The following NFATC2 variants were observed in gnomAD, a reference collection of about 807,000 sequenced individuals.
The protein encoded by NFATC2 is nuclear factor of activated T-cells, cytoplasmic 2.
Under a neutral mutation model 87.3 loss-of-function variants are expected in NFATC2, and 22 were observed. That is an observed-to-expected ratio of 0.25 (90% confidence interval 0.18 to 0.36). The LOEUF is 0.36. NFATC2 is among the 10% of genes least tolerant of loss of function. The pLI, the probability that NFATC2 is intolerant of heterozygous loss-of-function variation, is 1.00. For missense variants in NFATC2, 1,149 were observed against 1,259.1 expected, an observed-to-expected ratio of 0.91 and a Z score of 1.32; for synonymous variants, 565 against 542.2, an observed-to-expected ratio of 1.04 and a Z score of -0.58.
chr20:51,461,325 C>A (rs1448565688), intron 5 of NFATC2, among the ~76,000 whole-genome samples: 1 of 152,216 alleles, frequency 6.6e-6, no homozygotes, highest in African/African-American at 2.4e-5. Flanking sequence ...CCAAACCGCA[C>A]AGCCTGCAGT....
In NFATC2 at chr20:51,387,829, T is replaced by A. The variant is rs1441385809; in HGVS notation, c.*3667A>T. 1 of 151,492 alleles carries A rather than the reference T, an allele frequency of 6.6e-6. No individual in the cohort carries two copies. The highest frequency in any genetic ancestry group is 1.5e-5 in the Non-Finnish European group (1 of 67,982). 9.4% of individuals were successfully genotyped at this position (151,492 alleles called of 1,614,324 possible). ...CTTGAAATGAAAACATTCTTTCAATTCTGAGCAATAGAAAGCACTTGGAAA... is the reference window on the plus strand; with the variant it reads ...CTTGAAATGAAAACATTCTTTCAATACTGAGCAATAGAAAGCACTTGGAAA... On this transcript the variant is annotated 3_prime_UTR_variant, in exon 11 of 11. Transcript: ENST00000371564.
intron 1 of NFATC2, among the ~76,000 whole-genome samples, chr20:51,533,757 C>T (rs1212688947): frequency 1.3e-5 from 2 of 152,364 alleles, no homozygotes; most frequent in East Asian, 1.9e-4. Context: ...AGCAATGAGG[C>T]TTGCAGACTG....
chr20:51,467,545 G>C (rs1021560688), intron 5 of NFATC2, among the ~76,000 whole-genome samples: 1 of 133,578 alleles, frequency 7.5e-6, no homozygotes. Context: ...GGAAAAGAGT[G>C]AGACTCCATC....
At chr20:51,410,209 CAAAAAA>C (rs386393961) in intron 9 of NFATC2, among the ~76,000 whole-genome samples, 1 of 103,148 alleles carries the variant, frequency 9.7e-6, no homozygotes, top group South Asian at 3.6e-4. Context: ...GACTCTGTCT[CAAAAAA>C]AAAAAAAAAA....
chr20:51,462,791 G>T (rs949819218), intron 5 of NFATC2, among the ~76,000 whole-genome samples: 14 of 152,148 alleles, frequency 9.2e-5, no homozygotes, highest in African/African-American at 3.4e-4. Context: ...CACAAAGCAG[G>T]AATCACTCCC....
At chr20:51,531,380 AT>A (rs2076631054) in intron 1 of NFATC2, among the ~76,000 whole-genome samples, 2 of 152,356 alleles carry the variant, frequency 1.3e-5, no homozygotes, top group African/African-American at 4.8e-5. Flanking sequence ...GAAAGTTCTC[AT>A]TCTTATCACC....
rs188051333 is a variant in NFATC2, at chr20:51,548,959, A to G, written c.70+13601T>C. The stretch of plus-strand genomic sequence containing the variant: ...TTGTAGAGAAATAACATGTCATCTG[A>G]CTCAATGGCTTCAGGGAAATTCTAC... On this transcript the variant is annotated intron_variant, in intron 1 of 10. Coordinates refer to the NFATC2 transcript ENST00000414705. 2.6e-3 allele frequency among the ~76,000 whole-genome samples: 402 copies of G among 152,292 alleles called. 3 individuals carry two copies. The highest frequency in any genetic ancestry group is 9.3e-3 in the African/African-American group (386 of 41,564).
intron 4 of NFATC2, among the ~76,000 whole-genome samples, chr20:51,475,153 G>C (rs1392911686): frequency 1.3e-5 from 2 of 152,112 alleles, no homozygotes; most frequent in Middle Eastern, 3.4e-3. Context: ...ATGTTTAATA[G>C]AGATGGGGTT....
chr20:51,481,070 G>C (rs566910306), intron 3 of NFATC2, among the ~76,000 whole-genome samples: 1 of 152,044 alleles, frequency 6.6e-6, no homozygotes, highest in Non-Finnish European at 1.5e-5. Flanking sequence ...AATACTTCCC[G>C]TCCACCCTCC....
intron 1 of NFATC2, among the ~76,000 whole-genome samples, chr20:51,561,484 A>AAAGCAAGCAAGCAAGCAAGCAAGC (rs377087625): frequency 5.6e-5 from 5 of 89,980 alleles, no homozygotes; most frequent in South Asian, 4.1e-4. Context: ...AGAAAGAAAG[A>AAAGCAAGCAAGCAAGCAAGCAAGC]AAGCAAGCAA....
Position 51,398,676 on chromosome 20 carries a change from G to C in NFATC2, c.*11C>G, listed in dbSNP as rs56224340. The C allele has an allele frequency of 0.013, 20,895 of 1,611,862 alleles. 207 individuals carry two copies. Among genetic ancestry groups the C allele is most frequent in the Non-Finnish European group, 0.015 (17,191 of 1,178,540 alleles). ...TTGATTTCTCGGATCAAAGATCACA[G>C]TCATTCTGTTTCATAATATGTTTTG... On this transcript the variant is annotated 3_prime_UTR_variant, in exon 10 of 11. Coordinates refer to ENST00000371564, the MANE Select transcript of NFATC2 (RefSeq NM_012340.5).
At chr20:51,491,297 GAA>G (rs2075879227) in intron 3 of NFATC2, among the ~76,000 whole-genome samples, 1 of 151,450 alleles carries the variant, frequency 6.6e-6, no homozygotes, top group Admixed American at 6.6e-5. Context: ...AAAAAAAAAA[GAA>G]GAGGGAAATC....
At chr20:51,504,338 G>T (rs1185506810) in intron 3 of NFATC2, among the ~76,000 whole-genome samples, 1 of 152,162 alleles carries the variant, frequency 6.6e-6, no homozygotes, top group African/African-American at 2.4e-5. Flanking sequence ...GTTTCATCAT[G>T]TTGGCCAGGC....
chr20:51,491,662 T>C (rs1342256466), intron 3 of NFATC2, among the ~76,000 whole-genome samples: 3 of 151,908 alleles, frequency 2.0e-5, no homozygotes, highest in African/African-American at 7.3e-5. Context: ...CAGAACAACA[T>C]GTAACAGAGT....
chr20:51,460,418 C>T (rs1266874513), intron 5 of NFATC2, among the ~76,000 whole-genome samples: 1 of 152,182 alleles, frequency 6.6e-6, no homozygotes, highest in South Asian at 2.1e-4. Context: ...GAGGATTAAA[C>T]AAGTTCATCA....
At chr20:51,396,080 AT>A (rs1987080585) in intron 10 of NFATC2, among the ~76,000 whole-genome samples, 5 of 88,428 alleles carry the variant, frequency 5.7e-5, no homozygotes, top group African/African-American at 1.4e-4. Context: ...ATATATATAT[AT>A]ATATATATAT....
chr20:51,559,537 A>G (rs2077004537), intron 1 of NFATC2, among the ~76,000 whole-genome samples: 1 of 152,254 alleles, frequency 6.6e-6, no homozygotes, highest in East Asian at 1.9e-4. Context: ...CTTCCTGGAT[A>G]ACACTTGGCC....
chr20:51,418,948 G>GCCA (rs1980458274), intron 9 of NFATC2, among the ~76,000 whole-genome samples: 1 of 142,410 alleles, frequency 7.0e-6, no homozygotes, highest in African/African-American at 3.0e-5. Flanking sequence ...ATAGGCGTGA[G>GCCA]CCACCCCCAC....
At chr20:51,423,970 C>A (rs1981364282) in intron 9 of NFATC2, among the ~76,000 whole-genome samples, 1 of 152,128 alleles carries the variant, frequency 6.6e-6, no homozygotes, top group Non-Finnish European at 1.5e-5. Context: ...TTACATAAGC[C>A]AGAAATGCAG....
Sources: allele counts gnomAD v4.1 joint callset (sites outside exome capture counted in the v4.1 genomes callset), GRCh38; gene constraint gnomAD v4.1.1; transcripts MANE v1.5; gene names NCBI Gene and HGNC (gene_info 2026-07-23, HGNC 2026-07-21).